GARNL3: variants seen among roughly 807,000 people sequenced by gnomAD.
GARNL3 encodes GTPase activating Rap/RanGAP domain like 3.
Under a neutral mutation model 125.0 loss-of-function variants are expected in GARNL3, and 63 were observed. The ratio of observed to expected loss-of-function variants is 0.50; its 90% CI spans 0.41 to 0.62. The LOEUF is 0.62. Ranked by LOEUF, GARNL3 falls within the 20% of genes least tolerant of loss-of-function variation. The pLI is 0.00. For missense variants in GARNL3, 994 were observed against 1,244.0 expected (o/e 0.80, Z 3.02); for synonymous variants, 439 against 457.5 (o/e 0.96, Z 0.52).
intron 2 of GARNL3, among the ~76,000 whole-genome samples, chr9:127,307,850 C>G (rs2064998769): frequency 2.0e-5 from 3 of 152,188 alleles, no homozygotes; most frequent in South Asian, 2.1e-4. Flanking sequence ...TCTCTAGGCT[C>G]TGCTCTAGCT....
intron 1 of GARNL3, among the ~76,000 whole-genome samples, chr9:127,234,062 T>C (rs1398670809): frequency 6.6e-6 from 1 of 152,224 alleles, no homozygotes; most frequent in Non-Finnish European, 1.5e-5. Flanking sequence ...CTGCTGTCAG[T>C]TTTCTTTTGG....
rs759929622 is a variant in GARNL3 at position 127,338,169 on chromosome 9, A to C, written c.1028+8A>C. On this transcript the variant is annotated splice_region_variant and intron_variant, in intron 12 of 27. Transcript: ENST00000373387. ...ACAAAATGACAATTACAGGTAGGTA[A>C]TGACTTTGTCTCGATTGCTTGTCCT... is the stretch of plus-strand genomic sequence containing the variant. The C allele has an allele frequency of 6.2e-7, 1 of 1,601,988 alleles. No individual in the cohort carries two copies. The highest frequency in any genetic ancestry group is 2.2e-5 in the East Asian group (1 of 44,818).
chr9:127,393,018 GA>G, intron 27 of GARNL3, 64 bp from the exon 28 acceptor site: 5 of 1,361,140 alleles, frequency 3.7e-6, no homozygotes, highest in Non-Finnish European at 5.1e-6. Context: ...GAAATTGCCA[GA>G]AAAAAATAGG....
At chr9:127,225,482 C>A in intron 1 of GARNL3, 1 of 582,574 alleles carries the variant, frequency 1.7e-6, no homozygotes, top group Non-Finnish European at 2.2e-6. Flanking sequence ...GACAGCGGGG[C>A]GAGGCCGTGG....
In GARNL3 at chr9:127,354,303, C is replaced by T; in HGVS notation, c.1652C>T (p.Ala551Val). The change falls in exon 19 of 28, where the codon GCT becomes GTT. Residue 551 changes from alanine (A) to valine (V), a missense_variant. Coordinates refer to ENST00000373387, the MANE Select transcript of GARNL3 (RefSeq NM_032293.5). Reference sequence around the variant, plus strand: ...TTTTTTATGTCACCAGGAAAAGATGCTCGCCTCTTTGTCTTCAGGCTAAGT... The same window carrying T: ...TTTTTTATGTCACCAGGAAAAGATGTTCGCCTCTTTGTCTTCAGGCTAAGT... Reference protein sequence around the residue: ...LVLRADKGKDARLFVFRLSAL... With the variant: ...LVLRADKGKDVRLFVFRLSAL... 1 of 1,612,286 alleles carries T rather than the reference C, an allele frequency of 6.2e-7. No homozygotes were observed. Among genetic ancestry groups the T allele is most frequent in the Non-Finnish European group, 8.5e-7 (1 of 1,178,980 alleles).
At chr9:127,234,475 CAG>C (rs1439977915) in intron 1 of GARNL3, among the ~76,000 whole-genome samples, 4 of 152,108 alleles carry the variant, frequency 2.6e-5, no homozygotes, top group African/African-American at 9.7e-5. Context: ...TATACAGAGG[CAG>C]AGAGTGTAGA....
chr9:127,349,841 C>T (rs570104539), intron 17 of GARNL3, among the ~76,000 whole-genome samples: 2 of 152,308 alleles, frequency 1.3e-5, no homozygotes, highest in East Asian at 1.9e-4. Flanking sequence ...GAAACAGCTG[C>T]CCAGTCTCTG....
chr9:127,287,705 C>T (rs1272058246), intron 1 of GARNL3, among the ~76,000 whole-genome samples: 1 of 152,230 alleles, frequency 6.6e-6, no homozygotes, highest in African/African-American at 2.4e-5. Flanking sequence ...CCATGCTCTC[C>T]TCAGGCAGGT....
chr9:127,356,471 C>T (rs949894169), intron 20 of GARNL3: 1 of 152,112 alleles, frequency 6.6e-6, no homozygotes, highest in African/African-American at 2.4e-5. Flanking sequence ...GCATTGGCCA[C>T]TAAGATGGAG....
At chr9:127,320,597 C>G in intron 5 of GARNL3, 118 bp from the exon 6 acceptor site, 1 of 664,600 alleles carries the variant, frequency 1.5e-6, no homozygotes, top group Non-Finnish European at 2.6e-6. Context: ...ATTGATAACT[C>G]ATTTGTTGAT....
intron 21 of GARNL3, among the ~76,000 whole-genome samples, chr9:127,360,443 A>G (rs1044114159): frequency 2.0e-5 from 3 of 152,196 alleles, no homozygotes; most frequent in Non-Finnish European, 4.4e-5. Context: ...GGCACGGTGC[A>G]GTGCACAGCT....
chr9:127,390,665 A>G lies in GARNL3; in HGVS notation c.2768A>G (p.Lys923Arg), dbSNP rs747013915. 6.2e-7 allele frequency: 1 copy of G among 1,613,990 alleles called. No homozygotes were observed. Among genetic ancestry groups the G allele is most frequent in the Non-Finnish European group, 8.5e-7 (1 of 1,179,890 alleles). The stretch of plus-strand genomic sequence containing the variant: ...GGCCTCTCGGATGAAGGTGGACCCA[A>G]GTCAGAAGGAGCGCCAAAGGCCAAA... ...LLGLSDEGGPKSEGAPKAKSK... is the reference protein window; with the variant it reads ...LLGLSDEGGPRSEGAPKAKSK... Residue 923 changes from lysine (K) to arginine (R), a missense_variant, in exon 27 of 28, where the codon AAG (lysine) becomes AGG (arginine). Lys to Arg is a conservative substitution (Grantham distance 26). This residue lies in a region of GARNL3 where 728 missense variants were observed against 865.7 expected (regional missense o/e 0.84). Coordinates refer to ENST00000373387, the MANE Select transcript of GARNL3 (RefSeq NM_032293.5).
chr9:127,239,545 T>G lies in GARNL3; in HGVS notation c.-28-3534T>G, dbSNP rs3802372. ...TTGGCCACTCTCTTGTTTCAATAAG[T>G]TGTCTTTATATATTGAGCTATTTTT... On this transcript the variant is annotated intron_variant, in intron 1 of 10. Transcript: ENST00000439286. Among the ~76,000 whole-genome samples, 864 of 152,364 alleles carry G rather than the reference T, an allele frequency of 5.7e-3. 23 individuals carry two copies. In the East Asian group the frequency reaches 0.087, roughly 15 times the overall value.
chr9:127,346,118 C>T (rs1830123717), intron 16 of GARNL3, among the ~76,000 whole-genome samples: 1 of 152,150 alleles, frequency 6.6e-6, no homozygotes, highest in Non-Finnish European at 1.5e-5. Flanking sequence ...CATCCTGTTC[C>T]ACTTTCCATG....
intron 22 of GARNL3, among the ~76,000 whole-genome samples, chr9:127,373,218 G>A (rs1234108931): frequency 6.6e-6 from 1 of 152,166 alleles, no homozygotes; most frequent in African/African-American, 2.4e-5. Context: ...AGATGAACCA[G>A]GGACCTTCCT....
At chr9:127,291,914 A>AT (rs900682402) in intron 2 of GARNL3, among the ~76,000 whole-genome samples, 6 of 149,178 alleles carry the variant, frequency 4.0e-5, no homozygotes, top group African/African-American at 9.9e-5. Flanking sequence ...CCTGAGCCTC[A>AT]TTTTTTTTTC....
chr9:127,250,090 G>A (rs148261387), intron 2 of GARNL3, among the ~76,000 whole-genome samples: 13 of 152,274 alleles, frequency 8.5e-5, no homozygotes, highest in African/African-American at 2.4e-4. Context: ...ACAAGGAGTG[G>A]GATTGTGTGT....
At chr9:127,357,073 T>C in intron 20 of GARNL3, 146 bp from the exon 21 acceptor site, 1 of 715,892 alleles carries the variant, frequency 1.4e-6, no homozygotes. Flanking sequence ...CACTCCTCTC[T>C]TGTCCCTTCT....
chr9:127,381,795 C>T (rs192582937), intron 22 of GARNL3, among the ~76,000 whole-genome samples: 2,364 of 150,124 alleles, frequency 0.016, 125 homozygotes, highest in Admixed American at 0.11. Flanking sequence ...TTAGTAGAGA[C>T]GGAGTTTCAC....
Sources: allele counts gnomAD v4.1 joint callset (sites outside exome capture counted in the v4.1 genomes callset), GRCh38; gene constraint gnomAD v4.1.1; regional missense constraint gnomAD v4.1.1; transcripts MANE v1.5; gene names NCBI Gene and HGNC (gene_info 2026-07-23, HGNC 2026-07-21).